SNAPC5: variants seen among roughly 807,000 people sequenced by gnomAD.
SNAPC5 encodes the protein small nuclear RNA activating complex polypeptide 5.
In SNAPC5, 12 loss-of-function variants were observed where a neutral mutation model predicts 9.1. The observed-to-expected ratio is 1.32, with a 90% CI of 0.85 to 2.15. SNAPC5 has a LOEUF of 2.15. Among genes scored for constraint, SNAPC5 ranks in the 30% most tolerant of loss-of-function variants. The pLI is 0.00. For synonymous variants in SNAPC5, 52 were observed against 47.3 expected, an observed-to-expected ratio of 1.10 and a Z score of -0.41; for missense variants, 132 against 114.4, an observed-to-expected ratio of 1.15 and a Z score of -0.70.
chr15:66,491,657 G>A (rs761837047), downstream of SNAPC5: 5 of 222,474 alleles, frequency 2.2e-5, no homozygotes, highest in Non-Finnish European at 3.6e-5. Context: ...CTGGAAGGCA[G>A]AAACAGGACA....
downstream of SNAPC5, chr15:66,490,224 C>T (rs1296139737): frequency 6.9e-6 from 4 of 582,088 alleles, no homozygotes; most frequent in African/African-American, 1.9e-5. Context: ...TTTGTCCCTT[C>T]TAACAAGCCT....
At chr15:66,489,834 C>A, downstream of SNAPC5, 1 of 1,281,890 alleles carries the variant, frequency 7.8e-7, no homozygotes, top group Non-Finnish European at 1.1e-6. Flanking sequence ...GTCATCTGTG[C>A]AGTACTTCCA....
At chr15:66,497,569 C>G in intron 1 of SNAPC5, 73 bp downstream of exon 1, 3 of 1,380,902 alleles carry the variant, frequency 2.2e-6, no homozygotes, top group Non-Finnish European at 3.1e-6. Context: ...GTGGTCACCA[C>G]AGAGGCCCAG....
At chr15:66,490,701 T>G (rs757416394), downstream of SNAPC5, 3 of 922,370 alleles carry the variant, frequency 3.3e-6, no homozygotes, top group South Asian at 3.9e-5. Context: ...CTGTCTCTGT[T>G]CAGATGTGCA....
At chr15:66,496,428 G>A (rs1448615406) in intron 1 of SNAPC5, among the ~76,000 whole-genome samples, 1 of 151,918 alleles carries the variant, frequency 6.6e-6, no homozygotes, top group Non-Finnish European at 1.5e-5. Flanking sequence ...TTGCGCCACC[G>A]CACTCTAGGC....
downstream of SNAPC5, chr15:66,490,410 T>G: frequency 1.1e-6 from 1 of 938,698 alleles, no homozygotes. Context: ...CAGCACAAGC[T>G]CTAGACCTGA....
downstream of SNAPC5, chr15:66,492,366 G>C (rs989913614): frequency 5.9e-5 from 12 of 201,786 alleles, no homozygotes; most frequent in African/African-American, 2.6e-4. Flanking sequence ...AGAGGTACCA[G>C]AGCTTGGGAT....
At chr15:66,490,699 G>C (rs1229160685), downstream of SNAPC5, 7 of 920,220 alleles carry the variant, frequency 7.6e-6, no homozygotes, top group South Asian at 3.9e-5. Context: ...GCCTGTCTCT[G>C]TTCAGATGTG....
intron 2 of SNAPC5, chr15:66,494,974 G>C (rs1893377962): frequency 5.7e-6 from 2 of 350,822 alleles, no homozygotes; most frequent in South Asian, 6.3e-5. Flanking sequence ...CCTTGTACTT[G>C]AAGCCACACT....
downstream of SNAPC5, chr15:66,490,252 G>C (rs1025779395): frequency 4.8e-6 from 3 of 629,526 alleles, no homozygotes; most frequent in Admixed American, 5.0e-5. Context: ...ATTTAAGGCA[G>C]AGTTACTGTC....
chr15:66,496,524 CT>C (rs67040573), intron 1 of SNAPC5, among the ~76,000 whole-genome samples: 470 of 141,078 alleles, frequency 3.3e-3, no homozygotes, highest in East Asian at 3.1e-3. Flanking sequence ...CTCCCTGGGA[CT>C]TTTTTTTTTT....
rs997500205 is a variant in SNAPC5 at position 66,497,630 on chromosome 15, CCG to C, written c.90+10_90+11del. ...GGAATGGAGGAGGGGCAGGAGAGGG[CCG>C]CGGGGTCACCTTGAGGCGGTTCAGC... is the stretch of plus-strand genomic sequence containing the variant. On this transcript the variant is annotated intron_variant, in intron 1 of 2. Transcript: ENST00000316634. 1.2e-6 allele frequency: 2 copies of C among 1,613,024 alleles called. No individual in the cohort carries two copies. The highest frequency in any genetic ancestry group is 2.7e-5 in the African/African-American group (2 of 74,914).
downstream of SNAPC5, chr15:66,491,844 TG>T (rs947909657): frequency 1.2e-5 from 5 of 414,862 alleles, no homozygotes; most frequent in East Asian, 3.5e-4. Flanking sequence ...AAGCAGCTGA[TG>T]GGGGACTGGG....
intron 2 of SNAPC5, chr15:66,495,095 G>A (rs934908706): frequency 1.3e-5 from 7 of 530,294 alleles, no homozygotes; most frequent in South Asian, 6.7e-5. Context: ...AATGGATGAC[G>A]AGGAGGATGG....
chr15:66,490,825 G>C (rs879660920), downstream of SNAPC5: 9 of 638,556 alleles, frequency 1.4e-5, no homozygotes, highest in African/African-American at 1.6e-4. Flanking sequence ...AAGTGGATTG[G>C]CTTTGTGCTT....
At chr15:66,490,541 G>A, downstream of SNAPC5, 1 of 1,614,180 alleles carries the variant, frequency 6.2e-7, no homozygotes, top group Non-Finnish European at 8.5e-7. Context: ...TGAGGAAGTG[G>A]ATTTTGCAGG....
At chr15:66,495,542 T>A (rs866929816) in intron 1 of SNAPC5, 123 bp from the exon 2 acceptor site, 1 of 654,740 alleles carries the variant, frequency 1.5e-6, no homozygotes, top group Middle Eastern at 4.0e-4. Context: ...ATCTCTGTGT[T>A]GCTCTAGAGG....
chr15:66,496,243 A>T (rs916406608), intron 1 of SNAPC5, among the ~76,000 whole-genome samples: 10 of 152,182 alleles, frequency 6.6e-5, no homozygotes, highest in Middle Eastern at 6.8e-3. Context: ...AGGCAGGTGG[A>T]TCACCTGAGG....
At chr15:66,490,116 G>T (rs762613080), downstream of SNAPC5, 2 of 519,562 alleles carry the variant, frequency 3.8e-6, no homozygotes, top group Non-Finnish European at 7.0e-6. Context: ...CTGCTGTCTC[G>T]TTTGGTGGCA....
Sources: allele counts gnomAD v4.1 joint callset (sites outside exome capture counted in the v4.1 genomes callset), GRCh38; gene constraint gnomAD v4.1.1; transcripts MANE v1.5; gene names NCBI Gene and HGNC (gene_info 2026-07-23, HGNC 2026-07-21).